Variants in SART1 observed in about 807,000 individuals in gnomAD.
The protein encoded by SART1 is spliceosome associated factor 1, recruiter of U4/U6.U5 tri-snRNP.
Under a neutral mutation model 105.0 loss-of-function variants are expected in SART1, and 28 were observed. That is an observed-to-expected ratio of 0.27 (90% CI 0.20 to 0.37). SART1 has a LOEUF of 0.37. SART1 is among the 10% of genes least tolerant of loss of function. SART1 has a pLI of 1.00. For synonymous variants in SART1, 472 were observed against 462.9 expected (o/e 1.02, Z -0.25); for missense variants, 894 against 1,106.5 (o/e 0.81, Z 2.72).
Position 65,978,766 on chromosome 11 carries a change from CCTTT to C in SART1, c.2263-24_2263-21del. 6.2e-7 allele frequency: 1 copy of C among 1,613,880 alleles called. No individual in the cohort carries two copies. The highest frequency in any genetic ancestry group is 8.5e-7 in the Non-Finnish European group (1 of 1,179,886). ...GCTGGTGTGTGGGGCCTGCTGCAGC[CCTTT>C]CTGAGTGGCCCCGACCCCTCAGCTC... On this transcript the variant is annotated intron_variant, in intron 18 of 19. Coordinates refer to ENST00000312397, the MANE Select transcript of SART1 (RefSeq NM_005146.5). The surrounding 1 kb of genome is among the most constrained non-coding windows in gnomAD (Gnocchi z 6.8).
chr11:65,970,606 A>G (rs1010602352), intron 12 of SART1, among the ~76,000 whole-genome samples: 4 of 132,076 alleles, frequency 3.0e-5, no homozygotes, highest in Non-Finnish European at 5.0e-5. Context: ...AAGGCAGCCC[A>G]TGGCCGATTG....
chr11:65,973,570 C>T (rs1387617243), intron 12 of SART1, among the ~76,000 whole-genome samples: 1 of 152,232 alleles, frequency 6.6e-6, no homozygotes, highest in Non-Finnish European at 1.5e-5. Flanking sequence ...CCACGCTACT[C>T]ACAGCCATGG....
rs181125809 is a variant in SART1 at position 65,974,430 on chromosome 11, C to T, written c.1573-1965C>T. On this transcript the variant is annotated intron_variant, in intron 12 of 19. Coordinates refer to ENST00000312397, the MANE Select transcript of SART1 (RefSeq NM_005146.5). ...GTGTGGTGGTTCACACCTATAGTCC[C>T]AGCACTTTGGGAGGCTGAGGTGAGT... Among the ~76,000 whole-genome samples the T allele has an allele frequency of 3.0e-4, 46 of 151,166 alleles. No homozygotes were observed. The Middle Eastern group carries it at 0.01, about 34-fold the overall frequency.
Position 65,965,210 on chromosome 11 carries a change from A to G in SART1, c.546A>G (p.Gln182=), listed in dbSNP as rs866857445. 9.3e-6 allele frequency: 15 copies of G among 1,605,876 alleles called. No homozygotes were observed. In the Middle Eastern group the frequency reaches 2.2e-3, roughly 232 times the overall value. Residue 182 remains glutamine, a synonymous_variant, in exon 4 of 20, where the codon CAA becomes CAG. Transcript: ENST00000312397. Reference sequence around the variant, plus strand: ...CCAAGGAGAAGCGCCTGCTGAACCAAAAGCTGGGGTGAGGGGTCCTGGCCA... The same window carrying G: ...CCAAGGAGAAGCGCCTGCTGAACCAGAAGCTGGGGTGAGGGGTCCTGGCCA... ...AAAKEKRLLN[Q]KLGKIKTLGE... is the part of the protein sequence containing the mutation.
In SART1 at chr11:65,961,820, G is replaced by A. The variant is rs1490381224; in HGVS notation, c.40G>A (p.Ala14Thr). ...GAAGCATCGCGGAGAGAAGGAGGCG[G>A]CCGGGACGACGGCGGCGGCCGGCAC... is the stretch of plus-strand genomic sequence containing the variant. ...SKKHRGEKEA[A>T]GTTAAAGTGG... The change falls in exon 1 of 20, where the codon GCC becomes ACC. Residue 14 changes from alanine (A) to threonine (T), a missense_variant. Ala to Thr is a moderately conservative substitution (Grantham distance 58, BLOSUM62 0). Around this residue, in one of 2 missense-constraint regions of SART1, gnomAD observed 712 missense variants for 778.2 expected, o/e 0.91. Transcript: ENST00000312397. 2 of 1,564,632 alleles carry A rather than the reference G, an allele frequency of 1.3e-6. No homozygotes were observed. The highest frequency in any genetic ancestry group is 1.7e-6 in the Non-Finnish European group (2 of 1,161,430).
rs555806417 is a variant in SART1 at position 65,973,137 on chromosome 11, G to A, written c.1573-3258G>A. 5.9e-5 allele frequency among the ~76,000 whole-genome samples: 9 copies of A among 152,024 alleles called. No homozygotes were observed. The South Asian group carries it at 1.0e-3, about 18-fold the overall frequency. On this transcript the variant is annotated intron_variant, in intron 12 of 19. Coordinates refer to ENST00000312397, the MANE Select transcript of SART1 (RefSeq NM_005146.5). ...TGCAGTGAGCCGAGATCGCACCACT[G>A]CACTCCAGCCTGGGTGACAGAGCAA... is the stretch of plus-strand genomic sequence containing the variant.
At chr11:65,973,508 G>A (rs1244469135) in intron 12 of SART1, among the ~76,000 whole-genome samples, 1 of 152,206 alleles carries the variant, frequency 6.6e-6, no homozygotes, top group African/African-American at 2.4e-5. Context: ...AAAGGTCCAA[G>A]CCTGACAGTA....
intron 1 of SART1, among the ~76,000 whole-genome samples, chr11:65,962,561 CAG>C (rs1250685898): frequency 6.6e-6 from 1 of 151,734 alleles, no homozygotes; most frequent in Non-Finnish European, 1.5e-5. Context: ...GTAAGATAGA[CAG>C]GGATGTGAAC....
Position 65,974,391 on chromosome 11 carries a change from ACC to A in SART1, c.1573-2003_1573-2002del, listed in dbSNP as rs1448018343. On this transcript the variant is annotated intron_variant, in intron 12 of 19. Coordinates refer to ENST00000312397, the MANE Select transcript of SART1 (RefSeq NM_005146.5). ...TGTCTCAAAAAAAAAAAAAAAAAAA[ACC>A]ATATCAGCCGGGTGTGGTGGTTCAC... Among the ~76,000 whole-genome samples the A allele has an allele frequency of 6.2e-4, 91 of 146,044 alleles. 2 individuals are homozygous for A. The highest frequency in any genetic ancestry group is 9.6e-4 in the Admixed American group (14 of 14,528).
intron 4 of SART1, 40 bp downstream of exon 4, chr11:65,965,258 G>A: frequency 6.2e-7 from 1 of 1,609,292 alleles, no homozygotes; most frequent in Non-Finnish European, 8.5e-7. Context: ...GAAGGGCTGG[G>A]GAGGCCACCA....
Position 65,977,916 on chromosome 11 carries a change from G to C in SART1, c.2172+17G>C, listed in dbSNP as rs763157832. On this transcript the variant is annotated intron_variant, in intron 17 of 19. Transcript: ENST00000312397. ...CCCAAGGAGGTGAGCAGGGCCTTTT[G>C]CAGGCGGAGGCCCGGCCTGCCACAG... The C allele has an allele frequency of 6.3e-7, 1 of 1,587,326 alleles. No individual in the cohort carries two copies. The highest frequency in any genetic ancestry group is 8.6e-7 in the Non-Finnish European group (1 of 1,169,338).
At chr11:65,975,437 G>A (rs1855461712) in intron 12 of SART1, among the ~76,000 whole-genome samples, 1 of 132,624 alleles carries the variant, frequency 7.5e-6, no homozygotes, top group South Asian at 2.4e-4. Context: ...TTTTCGAGAC[G>A]GGGTTTCACT....
chr11:65,969,825 C>G (rs1211225401), intron 12 of SART1, among the ~76,000 whole-genome samples: 1 of 152,192 alleles, frequency 6.6e-6, no homozygotes, highest in African/African-American at 2.4e-5. Context: ...CGGGCTCAAG[C>G]AATTCTCCTG....
chr11:65,967,607 T>C lies in SART1; in HGVS notation c.1429+21T>C, dbSNP rs752099824. On this transcript the variant is annotated intron_variant, in intron 11 of 19. Transcript: ENST00000312397. Reference sequence around the variant, plus strand: ...TGAGGGTGAGGGCCCGGCCAGGGGGTGGGAGGGGCAGGGACAGGAGCCGCG... The same window carrying C: ...TGAGGGTGAGGGCCCGGCCAGGGGGCGGGAGGGGCAGGGACAGGAGCCGCG... 5 of 1,606,722 alleles carry C rather than the reference T, an allele frequency of 3.1e-6. No individual in the cohort carries two copies. The South Asian group carries it at 5.5e-5, about 18-fold the overall frequency.
rs1255306387 is a variant in SART1, at chr11:65,966,554, A to G, written c.1186A>G (p.Met396Val). ...LASEYLTPEE[M>V]VTFKKTKRRV... is the part of the protein sequence containing the mutation. ...CTCCGAATACCTCACGCCTGAGGAGATGGTGAGCCCTCCCGTGCCTTATAC... is the reference window on the plus strand; with the variant it reads ...CTCCGAATACCTCACGCCTGAGGAGGTGGTGAGCCCTCCCGTGCCTTATAC... The change falls in exon 9 of 20, where the codon ATG becomes GTG. Residue 396 changes from methionine to valine, a missense_variant and splice_region_variant. Physicochemically the swap from Met to Val is conservative, Grantham distance 21. This residue lies in a region of SART1 where 712 missense variants were observed against 778.2 expected (regional missense o/e 0.91). Transcript: ENST00000312397. 1 of 1,520,758 alleles carries G rather than the reference A, an allele frequency of 6.6e-7. No individual in the cohort carries two copies. The highest frequency in any genetic ancestry group is 8.8e-7 in the Non-Finnish European group (1 of 1,137,540). The allele number at this position is 1,520,758 out of a possible 1,614,324, so 94.2% of individuals were successfully genotyped here.
At position 65,977,622 on chromosome 11, in the gene SART1, C is replaced by T. The variant is rs1200066075; in HGVS notation, c.2005C>T (p.Pro669Ser). The T allele has an allele frequency of 1.2e-6, 2 of 1,614,054 alleles. No homozygotes were observed. The highest frequency in any genetic ancestry group is 1.7e-6 in the Non-Finnish European group (2 of 1,179,992). The stretch of plus-strand genomic sequence containing the variant: ...GGTGAAGGCCCCCAACAAGTCGCTG[C>T]CCTCAGCCGTGTACTGCATCGAGGA... Reference protein sequence around the residue: ...ARVKAPNKSLPSAVYCIEDKM... With the variant: ...ARVKAPNKSLSSAVYCIEDKM... Residue 669 changes from proline to serine, a missense_variant, in exon 16 of 20, where the codon CCC becomes TCC. Pro to Ser is a moderately conservative substitution (Grantham distance 74). Transcript: ENST00000312397.
Position 65,961,903 on chromosome 11 carries a change from G to GAGTGGCGGC in SART1, c.132_140dup (p.Ser48_Gly50dup). On this transcript the variant is annotated inframe_insertion, in exon 1 of 20. Transcript: ENST00000312397. ...GGGAACACAAAAAACACAAGCACCG[G>GAGTGGCGGC]AGTGGCGGCAGTGGCGGTAGCGGTG... The GAGTGGCGGC allele has an allele frequency of 6.4e-7, 1 of 1,552,546 alleles. No homozygotes were observed.
In SART1 at chr11:65,978,308, A is replaced by G. The variant is rs1855525359; in HGVS notation, c.2173-292A>G. Among the ~76,000 whole-genome samples, 1 of 151,610 alleles carries G rather than the reference A, an allele frequency of 6.6e-6. No homozygotes were observed. The highest frequency in any genetic ancestry group is 2.1e-4 in the South Asian group (1 of 4,806). ...TGCTCTCTGGGGTTTGTCTCCCTGC[A>G]GCCCCAGCCCCAGCCCCAGCGTCCA... On this transcript the variant is annotated intron_variant, in intron 17 of 19. Transcript: ENST00000312397. This position sits in a 1 kb window ranked among gnomAD's most constrained non-coding sequence, Gnocchi z 6.8.
At position 65,961,912 on chromosome 11, in the gene SART1, CAGTGGCGGT is replaced by C. The variant is rs1855150098; in HGVS notation, c.135_143del (p.Ser48_Gly50del). The C allele has an allele frequency of 6.5e-7, 1 of 1,539,810 alleles. No homozygotes were observed. The highest frequency in any genetic ancestry group is 1.4e-5 in the African/African-American group (1 of 70,456). On this transcript the variant is annotated inframe_deletion, in exon 1 of 20. Coordinates refer to ENST00000312397, the MANE Select transcript of SART1 (RefSeq NM_005146.5). ...AAAAACACAAGCACCGGAGTGGCGG[CAGTGGCGGT>C]AGCGGTGGCGAACGACGGAAGCGGA...
Sources: allele counts gnomAD v4.1 joint callset (sites outside exome capture counted in the v4.1 genomes callset), GRCh38; gene constraint gnomAD v4.1.1; regional missense constraint gnomAD v4.1.1; non-coding constraint Gnocchi (gnomAD v3.1); transcripts MANE v1.5; gene names NCBI Gene and HGNC (gene_info 2026-07-23, HGNC 2026-07-21).